Variants in CDH13 observed in about 807,000 individuals in gnomAD.
CDH13 encodes cadherin-13.
In CDH13, 24 loss-of-function variants were observed where a neutral mutation model predicts 63.8. The ratio of observed to expected loss-of-function variants is 0.38; its 90% CI spans 0.27 to 0.53. The LOEUF is 0.53. CDH13 is among the 20% of genes least tolerant of loss of function. CDH13 has a pLI of 0.85. For synonymous variants in CDH13, 503 were observed against 355.3 expected, an observed-to-expected ratio of 1.42 and a Z score of -4.67; for missense variants, 1,049 against 903.1, an observed-to-expected ratio of 1.16 and a Z score of -2.07.
intron 4 of CDH13, among the ~76,000 whole-genome samples, chr16:83,189,444 A>G (rs2038628175): frequency 6.6e-6 from 1 of 152,218 alleles, no homozygotes; most frequent in Non-Finnish European, 1.5e-5. Context: ...AACAAAGTGG[A>G]GCAAAAATAA....
rs56382330 is a variant in CDH13 at position 83,271,422 on chromosome 16, T to TAAAAAAAAAAAAAAAAAAAAAAAAAAAAA, written c.636+53927_636+53955dup. 3.1e-4 allele frequency among the ~76,000 whole-genome samples: 8 copies of TAAAAAAAAAAAAAAAAAAAAAAAAAAAAA among 26,032 alleles called. 3 individuals are homozygous for TAAAAAAAAAAAAAAAAAAAAAAAAAAAAA. Among genetic ancestry groups the TAAAAAAAAAAAAAAAAAAAAAAAAAAAAA allele is most frequent in the African/African-American group, 4.0e-4 (3 of 7,480 alleles). The allele number at this position is 26,032 out of a possible 152,430, so 17.1% of individuals were successfully genotyped here. A position where few individuals can be genotyped will look rare whatever the true frequency, so the allele number is the denominator to read the frequency against. On this transcript the variant is annotated intron_variant, in intron 5 of 13. Transcript: ENST00000567109. ...CTACCGCACATTGAGGCAGAGTTCATAAAAAAAAAAAAAAAAAAAAAAAAA... is the reference window on the plus strand; with the variant it reads ...CTACCGCACATTGAGGCAGAGTTCATAAAAAAAAAAAAAAAAAAAAAAAAAAAAAAAAAAAAAAAAAAAAAAAAAAAAAA...
At chr16:83,379,986 GC>G (rs1356637835) in intron 6 of CDH13, among the ~76,000 whole-genome samples, 4 of 147,590 alleles carry the variant, frequency 2.7e-5, no homozygotes, top group African/African-American at 1.0e-4. Flanking sequence ...GAACAAGGAA[GC>G]CAATTTTAGG....
At chr16:82,672,802 TACAC>T (rs71146083) in intron 1 of CDH13, among the ~76,000 whole-genome samples, 1 of 85,740 alleles carries the variant, frequency 1.2e-5, no homozygotes, top group South Asian at 3.9e-4. Flanking sequence ...CACACACACA[TACAC>T]ACACACACAC....
At position 83,222,038 on chromosome 16, in the gene CDH13, G is replaced by C. The variant is rs1019730255; in HGVS notation, c.636+4541G>C. 2.6e-5 allele frequency among the ~76,000 whole-genome samples: 4 copies of C among 152,174 alleles called. No homozygotes were observed. The South Asian group carries it at 6.2e-4, about 24-fold the overall frequency. ...TCTTGAACATTTACAGTGTGCCAAG[G>C]CTCCATGCCAAATACTCAGATGATG... On this transcript the variant is annotated intron_variant, in intron 5 of 13. Coordinates refer to ENST00000567109, the MANE Select transcript of CDH13 (RefSeq NM_001257.5).
chr16:82,850,031 A>G, intron 1 of CDH13, among the ~76,000 whole-genome samples: 1 of 152,238 alleles, frequency 6.6e-6, no homozygotes, highest in East Asian at 1.9e-4. Context: ...ACACCTGCTA[A>G]TATAATTTCC....
intron 8 of CDH13, among the ~76,000 whole-genome samples, chr16:83,659,154 GTCCTCACCACCAGGTCCCATA>G (rs1913200612): frequency 8.1e-6 from 1 of 123,864 alleles, no homozygotes; most frequent in Non-Finnish European, 1.6e-5. Context: ...AAGGTCCCAT[GTCCTCACCACCAGGTCCCATA>G]TCCTCACCAG....
At chr16:83,491,627 A>C (rs2074015154) in intron 7 of CDH13, among the ~76,000 whole-genome samples, 1 of 151,868 alleles carries the variant, frequency 6.6e-6, no homozygotes, top group South Asian at 2.1e-4. Context: ...ATAAAAAAGC[A>C]ATCTTAACAT....
At chr16:82,874,442 C>A (rs2066726010) in intron 2 of CDH13, among the ~76,000 whole-genome samples, 1 of 151,540 alleles carries the variant, frequency 6.6e-6, no homozygotes, top group African/African-American at 2.4e-5. Flanking sequence ...GATGTCTTGG[C>A]AGGCCACCCC....
chr16:83,744,835 A>G (rs889480793), intron 10 of CDH13, among the ~76,000 whole-genome samples: 3 of 152,172 alleles, frequency 2.0e-5, no homozygotes, highest in Non-Finnish European at 4.4e-5. Flanking sequence ...TGCCAGGCTC[A>G]CTGTTAGAAC....
chr16:82,855,145 C>G (rs2039635356), intron 1 of CDH13, among the ~76,000 whole-genome samples: 2 of 152,212 alleles, frequency 1.3e-5, no homozygotes, highest in African/African-American at 4.8e-5. Context: ...TTTGGGGCTT[C>G]TCCTACTGCT....
chr16:83,469,932 G>A (rs1226038362), intron 6 of CDH13, among the ~76,000 whole-genome samples: 2 of 152,216 alleles, frequency 1.3e-5, no homozygotes, highest in African/African-American at 4.8e-5. Context: ...TACAGGCTGG[G>A]AGACTTTTAA....
intron 8 of CDH13, among the ~76,000 whole-genome samples, chr16:83,627,338 C>T (rs980766046): frequency 6.6e-5 from 10 of 152,094 alleles, no homozygotes; most frequent in African/African-American, 2.4e-4. Context: ...TACCCCACTT[C>T]TAGGAGTGGA....
At chr16:82,979,027 A>G (rs1221810538) in intron 2 of CDH13, among the ~76,000 whole-genome samples, 2 of 152,234 alleles carry the variant, frequency 1.3e-5, no homozygotes, top group Non-Finnish European at 2.9e-5. Flanking sequence ...ATCATGCCCT[A>G]GATGTGAGAC....
intron 2 of CDH13, among the ~76,000 whole-genome samples, chr16:82,987,649 T>C (rs575556600): frequency 1.3e-5 from 2 of 152,336 alleles, no homozygotes; most frequent in Admixed American, 6.5e-5. Context: ...AGTGGTAGGA[T>C]TACAGGCATG....
chr16:83,674,232 C>A (rs1373480538), intron 9 of CDH13, among the ~76,000 whole-genome samples: 1 of 152,128 alleles, frequency 6.6e-6, no homozygotes, highest in Non-Finnish European at 1.5e-5. Context: ...TAGGCCAGTC[C>A]AGGATTGGCC....
chr16:83,592,456 C>A (rs1221600657), intron 7 of CDH13, among the ~76,000 whole-genome samples: 1 of 152,194 alleles, frequency 6.6e-6, no homozygotes, highest in Non-Finnish European at 1.5e-5. Flanking sequence ...TGAACTCACA[C>A]TGAATGTCAA....
chr16:83,485,763 G>T (rs1297117560), intron 6 of CDH13, among the ~76,000 whole-genome samples: 1 of 152,062 alleles, frequency 6.6e-6, no homozygotes, highest in Non-Finnish European at 1.5e-5. Context: ...TGATTTCTGA[G>T]CTCCTGCACA....
At chr16:82,720,035 T>C (rs1035769888) in intron 1 of CDH13, among the ~76,000 whole-genome samples, 1 of 152,108 alleles carries the variant, frequency 6.6e-6, no homozygotes, top group African/African-American at 2.4e-5. Context: ...ATTACCAAAC[T>C]TCTTAATAAA....
intron 6 of CDH13, among the ~76,000 whole-genome samples, chr16:83,472,913 G>A (rs1276601137): frequency 6.6e-6 from 1 of 152,174 alleles, no homozygotes; most frequent in African/African-American, 2.4e-5. Context: ...GTGGTGGCCT[G>A]ATGGCTTGGA....
Sources: gnomAD v4.1 joint callset for allele counts (sites outside exome capture counted in the v4.1 genomes callset) on GRCh38, gnomAD v4.1.1 for gene constraint, MANE v1.5 for transcripts, NCBI Gene and HGNC (gene_info 2026-07-23, HGNC 2026-07-21) for gene names.